CD28: variants seen among roughly 807,000 people sequenced by gnomAD.
CD28 encodes T-cell-specific surface glycoprotein CD28.
Under a neutral mutation model 21.4 loss-of-function variants are expected in CD28, and 8 were observed. The ratio of observed to expected loss-of-function variants is 0.37; its 90% CI spans 0.22 to 0.68. The LOEUF (loss-of-function observed/expected upper bound fraction) is 0.68, where lower values mean the gene tolerates loss of function less well. Ranked by LOEUF, CD28 falls within the 30% of genes least tolerant of loss-of-function variation. CD28 has a pLI of 0.55. For missense variants in CD28, 239 were observed against 272.2 expected, an observed-to-expected ratio of 0.88 and a Z score of 0.86; for synonymous variants, 106 against 104.0, an observed-to-expected ratio of 1.02 and a Z score of -0.12.
Position 203,710,261 on chromosome 2 carries a change from A to G in CD28, c.52+3513A>G, listed in dbSNP as rs370040600. ...TAAATTTGATGGATATTTCAAAAGT[A>G]TAGGCATTGCTTAAGGATTTGTTTT... On this transcript the variant is annotated intron_variant, in intron 1 of 3. Transcript: ENST00000324106. 3.4e-4 allele frequency among the ~76,000 whole-genome samples: 52 copies of G among 152,388 alleles called. No homozygotes were observed. In the East Asian group the frequency reaches 5.2e-3, roughly 15 times the overall value.
chr2:203,732,251 G>A (rs1693913836), intron 3 of CD28, among the ~76,000 whole-genome samples: 2 of 152,120 alleles, frequency 1.3e-5, no homozygotes, highest in African/African-American at 2.4e-5. Context: ...TCTAGGCTGA[G>A]CGGGTTTCTG....
intron 1 of CD28, among the ~76,000 whole-genome samples, chr2:203,723,006 A>G (rs905846792): frequency 6.6e-6 from 1 of 152,178 alleles, no homozygotes; most frequent in East Asian, 1.9e-4. Flanking sequence ...AAAAATATGA[A>G]TGGATGCCTG....
At chr2:203,717,150 A>C (rs1445418165) in intron 1 of CD28, among the ~76,000 whole-genome samples, 4 of 152,188 alleles carry the variant, frequency 2.6e-5, no homozygotes, top group Admixed American at 2.6e-4. Flanking sequence ...CCAGGCCTTT[A>C]GTAAATTTAT....
At chr2:203,726,301 G>A (rs1388057110) in intron 1 of CD28, among the ~76,000 whole-genome samples, 1 of 152,116 alleles carries the variant, frequency 6.6e-6, no homozygotes, top group African/African-American at 2.4e-5. Context: ...CAGGAAATTG[G>A]CCCAATGCAT....
intron 1 of CD28, among the ~76,000 whole-genome samples, chr2:203,707,489 C>T (rs1455932085): frequency 6.6e-6 from 1 of 152,164 alleles, no homozygotes; most frequent in East Asian, 1.9e-4. Context: ...AACATGAATT[C>T]TGGAGTCACC....
rs112003985 is a variant in CD28, at chr2:203,729,718, T to C, written c.480T>C (p.Gly160=). Residue 160 remains glycine (G), a synonymous_variant, in exon 3 of 4, where the codon GGT becomes GGC. Transcript: ENST00000324106. The part of the protein sequence containing the change: ...SKPFWVLVVV[G]GVLACYSLLV... ...CCTTTTGGGTGCTGGTGGTGGTTGG[T>C]GGAGTCCTGGCTTGCTATAGCTTGC... 6.2e-7 allele frequency: 1 copy of C among 1,614,130 alleles called. No individual in the cohort carries two copies. The highest frequency in any genetic ancestry group is 1.3e-5 in the African/African-American group (1 of 75,050).
At chr2:203,710,267 A>G (rs1025390894) in intron 1 of CD28, among the ~76,000 whole-genome samples, 6 of 152,224 alleles carry the variant, frequency 3.9e-5, no homozygotes, top group African/African-American at 1.2e-4. Context: ...AAGTATAGGC[A>G]TTGCTTAAGG....
At chr2:203,726,072 G>A (rs1234475831) in intron 1 of CD28, among the ~76,000 whole-genome samples, 2 of 152,024 alleles carry the variant, frequency 1.3e-5, no homozygotes, top group Non-Finnish European at 2.9e-5. Context: ...TTAGCTGGGC[G>A]TGGTGGTGCA....
chr2:203,734,415 T>C lies in CD28; in HGVS notation c.535-369T>C, dbSNP rs1353633730. Among the ~76,000 whole-genome samples, 5 of 152,194 alleles carry C rather than the reference T, an allele frequency of 3.3e-5. No homozygotes were observed. The South Asian group carries it at 8.3e-4, about 25-fold the overall frequency. On this transcript the variant is annotated intron_variant, in intron 3 of 3. Transcript: ENST00000324106. Reference sequence around the variant, plus strand: ...ATGGAAAAACAGCTTGTTAAGCAAATGCTAATGTAAGAAGATCACAATGTG... The same window carrying C: ...ATGGAAAAACAGCTTGTTAAGCAAACGCTAATGTAAGAAGATCACAATGTG...
intron 1 of CD28, among the ~76,000 whole-genome samples, chr2:203,711,696 T>TCCACCATGGCTCACAATCCACCA (rs1250483032): frequency 6.6e-6 from 1 of 152,188 alleles, no homozygotes; most frequent in Non-Finnish European, 1.5e-5. Flanking sequence ...AATCACCTCA[T>TCCACCATGGCTCACAATCCACCA]TGGCTCACAA....
At position 203,735,011 on chromosome 2, in the gene CD28, C is replaced by G. The variant is rs1390068224; in HGVS notation, c.*99C>G. ...GACCGCCATCTCCAGCCGGCCACCTCAGGCCCCTGTTGGGCCACCAATGCC... is the reference window on the plus strand; with the variant it reads ...GACCGCCATCTCCAGCCGGCCACCTGAGGCCCCTGTTGGGCCACCAATGCC... On this transcript the variant is annotated 3_prime_UTR_variant, in exon 4 of 4. Coordinates refer to ENST00000324106, the MANE Select transcript of CD28 (RefSeq NM_006139.4). 1 of 1,477,316 alleles carries G rather than the reference C, an allele frequency of 6.8e-7. No homozygotes were observed. Among genetic ancestry groups the G allele is most frequent in the African/African-American group, 1.4e-5 (1 of 71,294 alleles). 91.5% of individuals were successfully genotyped at this position (1,477,316 alleles called of 1,614,324 possible).
intron 1 of CD28, among the ~76,000 whole-genome samples, chr2:203,721,815 T>C (rs1693612695): frequency 1.3e-5 from 2 of 152,168 alleles, no homozygotes; most frequent in Admixed American, 6.5e-5. Context: ...TGAGTGGCAT[T>C]CATTTTTGGG....
intron 1 of CD28, among the ~76,000 whole-genome samples, chr2:203,724,842 C>T (rs72932388): frequency 6.6e-6 from 1 of 152,228 alleles, no homozygotes; most frequent in Non-Finnish European, 1.5e-5. Flanking sequence ...TTATTTGGCT[C>T]TTCAGTGTGG....
At chr2:203,718,102 A>G (rs1693508655) in intron 1 of CD28, among the ~76,000 whole-genome samples, 1 of 152,156 alleles carries the variant, frequency 6.6e-6, no homozygotes, top group Non-Finnish European at 1.5e-5. Flanking sequence ...GAAAGGTGCT[A>G]CAGTCTGGTG....
chr2:203,724,610 C>G (rs1693690132), intron 1 of CD28, among the ~76,000 whole-genome samples: 2 of 152,068 alleles, frequency 1.3e-5, no homozygotes, highest in Non-Finnish European at 2.9e-5. Context: ...TCTTGAACTC[C>G]TGGGCTCAAG....
intron 3 of CD28, among the ~76,000 whole-genome samples, chr2:203,732,775 T>G (rs1454170569): frequency 1.3e-5 from 2 of 152,176 alleles, no homozygotes; most frequent in Non-Finnish European, 2.9e-5. Context: ...CTGCGTGGTG[T>G]TTGTTCCCAG....
At chr2:203,727,297 T>C (rs545483635) in intron 2 of CD28, among the ~76,000 whole-genome samples, 1 of 152,298 alleles carries the variant, frequency 6.6e-6, no homozygotes, top group South Asian at 2.1e-4. Flanking sequence ...ACCATTAAAA[T>C]GTAAGCCCAG....
chr2:203,720,650 G>A (rs1693583008), intron 1 of CD28, among the ~76,000 whole-genome samples: 1 of 152,184 alleles, frequency 6.6e-6, no homozygotes, highest in African/African-American at 2.4e-5. Context: ...ATTATTTGAA[G>A]TACTGTGGAT....
Sources: allele counts gnomAD v4.1 joint callset (sites outside exome capture counted in the v4.1 genomes callset), GRCh38; gene constraint gnomAD v4.1.1; transcripts MANE v1.5; gene names NCBI Gene and HGNC (gene_info 2026-07-23, HGNC 2026-07-21).